The following C8orf89 variants were observed in gnomAD, a reference collection of about 807,000 sequenced individuals.
C8orf89 encodes the protein putative uncharacterized protein C8orf89.
A neutral mutation model predicts 15.8 loss-of-function variants in C8orf89; 14 were observed. The observed-to-expected ratio is 0.89, with a 90% CI of 0.59 to 1.39. The LOEUF (loss-of-function observed/expected upper bound fraction) is 1.39, where lower values mean the gene tolerates loss of function less well. C8orf89 is among the 40% of genes most tolerant of loss of function. The pLI, the probability that C8orf89 is intolerant of heterozygous loss-of-function variation, is 0.00. For missense variants in C8orf89, 181 were observed against 184.5 expected (o/e 0.98, Z 0.11); for synonymous variants, 55 against 62.2 (o/e 0.88, Z 0.54).
upstream of C8orf89, chr8:73,259,620 G>A (rs1344974552): frequency 4.7e-6 from 2 of 428,348 alleles, no homozygotes; most frequent in Non-Finnish European, 7.9e-6. Flanking sequence ...CAAATTCCAG[G>A]TTACAGATAT....
Position 73,241,495 on chromosome 8 carries a change from A to G in C8orf89, c.448T>C (p.Ser150Pro). The change falls in exon 4 of 4, where the codon TCA becomes CCA. Residue 150 changes from serine (S) to proline (P), a missense_variant. By Grantham distance (74) the Ser-to-Pro change is moderately conservative. Coordinates refer to ENST00000624510, the MANE Select transcript of C8orf89 (RefSeq NM_001243237.3). ...DTIRQETTTK[S>P]KKSKKRDLRD... ...AGGTCTCGTTTCTTGCTTTTTTTTG[A>G]TTTTGTGGTTGTTTCCTGACGAATG... The G allele has an allele frequency of 6.5e-7, 1 of 1,529,656 alleles. No homozygotes were observed. The allele number at this position is 1,529,656 out of a possible 1,614,324, so 94.8% of individuals were successfully genotyped here.
Position 73,257,009 on chromosome 8 carries a change from C to G in C8orf89, c.245G>C (p.Arg82Thr). 1 of 1,535,306 alleles carries G rather than the reference C, an allele frequency of 6.5e-7. No homozygotes were observed. The highest frequency in any genetic ancestry group is 1.2e-5 in the South Asian group (1 of 84,002). Reference protein sequence around the residue: ...VSSTPLEVPKRLPRADAEVSA... With the variant: ...VSSTPLEVPKTLPRADAEVSA... ...CACCTCGGCATCAGCACGTGGCAGT[C>G]TTTTAGGAACCTCTAGTGGAGTTGA... Residue 82 changes from arginine to threonine, a missense_variant, in exon 2 of 4, where the codon AGA becomes ACA. Physicochemically the swap from Arg to Thr is moderately conservative, Grantham distance 71. Transcript: ENST00000624510.
chr8:73,241,892 A>G (rs1410833975), intron 3 of C8orf89, among the ~76,000 whole-genome samples: 1 of 152,188 alleles, frequency 6.6e-6, no homozygotes, highest in African/African-American at 2.4e-5. Context: ...AGTCTCATCA[A>G]TAAATGGTGC....
the C8orf89 span, among the ~76,000 whole-genome samples, chr8:73,272,608 C>T: frequency 6.6e-6 from 1 of 151,686 alleles, no homozygotes; most frequent in Non-Finnish European, 1.5e-5. Context: ...TCCCCCCTCT[C>T]CCCACCCCAT....
At chr8:73,256,240 A>T (rs1489696458) in intron 2 of C8orf89, among the ~76,000 whole-genome samples, 1 of 151,982 alleles carries the variant, frequency 6.6e-6, no homozygotes, top group Non-Finnish European at 1.5e-5. Context: ...GCAGGATGTT[A>T]ATTAGGCCAA....
At chr8:73,278,442 T>C in the C8orf89 span, among the ~76,000 whole-genome samples, 85 of 152,226 alleles carry the variant, frequency 5.6e-4, 2 homozygotes, top group African/African-American at 2.0e-3. Flanking sequence ...AGCCTTCTCC[T>C]ACCCTGACGC....
At position 73,250,319 on chromosome 8, in the gene C8orf89, T is replaced by C; in HGVS notation, c.286A>G (p.Lys96Glu). The C allele has an allele frequency of 6.6e-7, 1 of 1,520,524 alleles. No homozygotes were observed. Among genetic ancestry groups the C allele is most frequent in the Non-Finnish European group, 8.8e-7 (1 of 1,133,958 alleles). 94.2% of individuals were successfully genotyped at this position (1,520,524 alleles called of 1,614,324 possible). The change falls in exon 3 of 4, where the codon AAG becomes GAG. Residue 96 changes from lysine to glutamate, a missense_variant. By Grantham distance (56) the Lys-to-Glu change is moderately conservative. Transcript: ENST00000624510. Reference protein sequence around the residue: ...ADAEVSAVRLKKTKETCSVAP... With the variant: ...ADAEVSAVRLEKTKETCSVAP... Reference sequence around the variant, plus strand: ...ACACTGCATGTCTCCTTAGTCTTCTTTAGCCTGAATATTATATATTATCAT... The same window carrying C: ...ACACTGCATGTCTCCTTAGTCTTCTCTAGCCTGAATATTATATATTATCAT...
the C8orf89 span, among the ~76,000 whole-genome samples, chr8:73,274,850 C>T: frequency 6.6e-6 from 1 of 152,164 alleles, no homozygotes; most frequent in South Asian, 2.1e-4. Flanking sequence ...GATTGAGTCA[C>T]ATGAGACTGA....
At chr8:73,252,612 C>A (rs1321539300) in intron 2 of C8orf89, among the ~76,000 whole-genome samples, 5 of 152,082 alleles carry the variant, frequency 3.3e-5, no homozygotes, top group African/African-American at 1.2e-4. Flanking sequence ...TTCCAGCTCT[C>A]TATTTATATT....
chr8:73,269,361 T>C, the C8orf89 span, among the ~76,000 whole-genome samples: 1 of 152,210 alleles, frequency 6.6e-6, no homozygotes, highest in Non-Finnish European at 1.5e-5. Flanking sequence ...GTTTTTGCTC[T>C]CCTAAAATGA....
At chr8:73,265,252 T>A in the C8orf89 span, among the ~76,000 whole-genome samples, 13 of 152,330 alleles carry the variant, frequency 8.5e-5, no homozygotes, top group African/African-American at 3.1e-4. Flanking sequence ...AAATTACATA[T>A]GAAGCTAGCA....
At chr8:73,280,043 C>T in the C8orf89 span, among the ~76,000 whole-genome samples, 1 of 152,306 alleles carries the variant, frequency 6.6e-6, no homozygotes, top group African/African-American at 2.4e-5. Context: ...CCACAGAATC[C>T]ATGAGCACAA....
the C8orf89 span, among the ~76,000 whole-genome samples, chr8:73,279,982 T>C: frequency 6.6e-6 from 1 of 152,210 alleles, no homozygotes; most frequent in African/African-American, 2.4e-5. Flanking sequence ...GCTCCAGACA[T>C]CCTGAAGCAG....
chr8:73,260,251 A>G (rs778183240), upstream of C8orf89, among the ~76,000 whole-genome samples: 44 of 152,182 alleles, frequency 2.9e-4, no homozygotes, highest in Non-Finnish European at 2.9e-5. Context: ...AAAATGGATA[A>G]TACATTTCTC....
chr8:73,246,915 T>G (rs938605066), intron 3 of C8orf89, among the ~76,000 whole-genome samples: 1 of 152,198 alleles, frequency 6.6e-6, no homozygotes, highest in Non-Finnish European at 1.5e-5. Flanking sequence ...TGGTTGGTTG[T>G]TTGGAGGTGT....
chr8:73,278,767 A>T, the C8orf89 span, among the ~76,000 whole-genome samples: 2 of 152,320 alleles, frequency 1.3e-5, no homozygotes, highest in Non-Finnish European at 1.5e-5. Flanking sequence ...TATTAAAAAA[A>T]TTTTTAAACC....
the C8orf89 span, among the ~76,000 whole-genome samples, chr8:73,272,584 CCTAATG>C: frequency 1.3e-5 from 2 of 152,188 alleles, no homozygotes; most frequent in South Asian, 4.2e-4. Flanking sequence ...AGGTATATCT[CCTAATG>C]CTATCCCTCC....
At chr8:73,253,879 C>T (rs1256186882) in intron 2 of C8orf89, among the ~76,000 whole-genome samples, 1 of 149,936 alleles carries the variant, frequency 6.7e-6, no homozygotes, top group Non-Finnish European at 1.5e-5. Flanking sequence ...CATCTGCAAA[C>T]AGGGACAATT....
At chr8:73,280,581 C>T in the C8orf89 span, among the ~76,000 whole-genome samples, 1 of 152,014 alleles carries the variant, frequency 6.6e-6, no homozygotes, top group Non-Finnish European at 1.5e-5. Flanking sequence ...ACCATGTTGG[C>T]CAGGCTGGTC....
Sources: allele counts gnomAD v4.1 joint callset (sites outside exome capture counted in the v4.1 genomes callset), GRCh38; gene constraint gnomAD v4.1.1; transcripts MANE v1.5; gene names NCBI Gene and HGNC (gene_info 2026-07-23, HGNC 2026-07-21).